Variants in DNAH14 observed in about 807,000 individuals in gnomAD.
The protein encoded by DNAH14 is dynein axonemal heavy chain 14, also known as axonemal beta dynein heavy chain 14.
Under a neutral mutation model 520.9 loss-of-function variants are expected in DNAH14, and 478 were observed. That is an observed-to-expected ratio of 0.92 (90% confidence interval 0.85 to 0.99). The LOEUF (loss-of-function observed/expected upper bound fraction) is 0.99, where lower values mean the gene tolerates loss of function less well. Ranked by LOEUF, DNAH14 falls within the 50% of genes least tolerant of loss-of-function variation. The pLI is 0.00. For synonymous variants in DNAH14, 1,581 were observed against 1,757.2 expected, an observed-to-expected ratio of 0.90 and a Z score of 2.51; for missense variants, 4,831 against 5,234.5, an observed-to-expected ratio of 0.92 and a Z score of 2.38.
At chr1:225,168,327 G>C (rs536557968) in intron 36 of DNAH14, among the ~76,000 whole-genome samples, 3 of 152,154 alleles carry the variant, frequency 2.0e-5, no homozygotes, top group Non-Finnish European at 2.9e-5. Context: ...GCAGTGCAGC[G>C]AGCGTGAGCC....
intron 8 of DNAH14, among the ~76,000 whole-genome samples, chr1:224,984,797 A>T (rs1374392991): frequency 6.6e-6 from 1 of 152,214 alleles, no homozygotes; most frequent in Non-Finnish European, 1.5e-5. Context: ...CCCATAAAAA[A>T]GTGGGCTAAG....
At chr1:225,308,191 T>A in intron 59 of DNAH14, 94 bp from the exon 60 acceptor site, 1 of 1,313,068 alleles carries the variant, frequency 7.6e-7, no homozygotes, top group Non-Finnish European at 1.0e-6. Context: ...TTAGTAAACT[T>A]TACCATAGTG....
At chr1:224,944,988 G>A (rs549165033) in intron 1 of DNAH14, among the ~76,000 whole-genome samples, 21 of 152,142 alleles carry the variant, frequency 1.4e-4, no homozygotes, top group South Asian at 4.2e-4. Flanking sequence ...TGCTCTTCTC[G>A]AGGAATATCT....
rs2080024054 is a variant in DNAH14 at position 225,147,111 on chromosome 1, GAA to G, written c.4805_4806del (p.Lys1602IlefsTer15). The G allele has an allele frequency of 5.3e-6, 8 of 1,505,352 alleles. No individual in the cohort carries two copies. The highest frequency in any genetic ancestry group is 7.1e-6 in the Non-Finnish European group (8 of 1,130,620). The allele number at this position is 1,505,352 out of a possible 1,614,324, so 93.2% of individuals were successfully genotyped here. On this transcript the variant is annotated frameshift_variant, in exon 31 of 86. Coordinates refer to ENST00000682510, the MANE Select transcript of DNAH14 (RefSeq NM_001367479.1). LOFTEE classifies it high-confidence loss of function. ...TCTTTTTTTTTTTAAAAGATAGTGA[GAA>G]AATTTTTCTTTGGACTAGTTCAGTC...
intron 1 of DNAH14, among the ~76,000 whole-genome samples, chr1:224,946,915 C>CTTTTTTTT (rs746576812): frequency 9.2e-6 from 1 of 108,258 alleles, no homozygotes; most frequent in Non-Finnish European, 1.9e-5. Flanking sequence ...GTTTCATCTA[C>CTTTTTTTT]TTTTTTTTTT....
At chr1:225,038,436 A>C (rs1485905447) in intron 11 of DNAH14, among the ~76,000 whole-genome samples, 1 of 151,620 alleles carries the variant, frequency 6.6e-6, no homozygotes, top group Non-Finnish European at 1.5e-5. Flanking sequence ...TGTTTTTTTT[A>C]ATAGCCATCC....
chr1:224,999,653 T>C (rs942109517), intron 8 of DNAH14, among the ~76,000 whole-genome samples: 14 of 151,852 alleles, frequency 9.2e-5, no homozygotes, highest in Non-Finnish European at 1.8e-4. Context: ...TTTGTTTCTA[T>C]GTTTTATTTT....
rs541781057 is a variant in DNAH14 at position 225,168,413 on chromosome 1, G to T, written c.5535+385G>T. On this transcript the variant is annotated intron_variant, in intron 36 of 85. Transcript: ENST00000682510. ...TTCCCTTTCCTAGCCAAGGAAAGGGGTGACAGACGGCACCTGGAAAATCAG... is the reference window on the plus strand; with the variant it reads ...TTCCCTTTCCTAGCCAAGGAAAGGGTTGACAGACGGCACCTGGAAAATCAG... Among the ~76,000 whole-genome samples the T allele has an allele frequency of 7.9e-4, 120 of 152,348 alleles. 1 individual carries two copies. Among genetic ancestry groups the T allele is most frequent in the African/African-American group, 2.7e-3 (113 of 41,582 alleles).
At chr1:225,331,639 G>C in intron 65 of DNAH14, 62 bp downstream of exon 65, 1 of 1,544,770 alleles carries the variant, frequency 6.5e-7, no homozygotes, top group Non-Finnish European at 8.7e-7. Context: ...CAACCCCCAA[G>C]ATGTTATTTT....
At chr1:225,060,346 C>T (rs1366574472) in intron 17 of DNAH14, among the ~76,000 whole-genome samples, 1 of 152,160 alleles carries the variant, frequency 6.6e-6, no homozygotes, top group Non-Finnish European at 1.5e-5. Context: ...AGTTCTCATG[C>T]CTTGGTTTTC....
At chr1:225,073,665 G>T (rs1016478506) in intron 17 of DNAH14, among the ~76,000 whole-genome samples, 29 of 123,144 alleles carry the variant, frequency 2.4e-4, no homozygotes, top group African/African-American at 4.6e-4. Context: ...TCAGTTTTTT[G>T]TTGTTGTTGT....
At chr1:225,298,441 G>A (rs1394758486) in intron 55 of DNAH14, among the ~76,000 whole-genome samples, 1 of 152,178 alleles carries the variant, frequency 6.6e-6, no homozygotes, top group African/African-American at 2.4e-5. Flanking sequence ...ACCCTAAATG[G>A]GACTGCCAGA....
At chr1:225,337,178 A>T (rs1310272763) in intron 66 of DNAH14, 88 bp from the exon 67 acceptor site, 1 of 1,074,696 alleles carries the variant, frequency 9.3e-7, no homozygotes, top group Non-Finnish European at 1.3e-6. Flanking sequence ...AAAGGCAGTG[A>T]TTCTGTAGGA....
intron 2 of DNAH14, 132 bp from the exon 3 acceptor site, chr1:224,954,827 C>A (rs1380781311): frequency 1.6e-6 from 1 of 633,272 alleles, no homozygotes; most frequent in Non-Finnish European, 2.7e-6. Flanking sequence ...AGCATGTTAA[C>A]CATAGCATTT....
intron 9 of DNAH14, among the ~76,000 whole-genome samples, chr1:225,006,214 T>G (rs1055029945): frequency 6.6e-6 from 1 of 152,192 alleles, no homozygotes; most frequent in African/African-American, 2.4e-5. Context: ...GTCATCTTCG[T>G]AAGCTGAGGA....
intron 74 of DNAH14, among the ~76,000 whole-genome samples, chr1:225,359,420 C>T (rs904389638): frequency 2.6e-5 from 4 of 151,336 alleles, no homozygotes; most frequent in African/African-American, 9.8e-5. Flanking sequence ...TGCTCTCCAG[C>T]CCTTGTATTC....
intron 44 of DNAH14, among the ~76,000 whole-genome samples, chr1:225,253,862 G>T (rs748832944): frequency 2.6e-5 from 4 of 152,038 alleles, no homozygotes; most frequent in Non-Finnish European, 5.9e-5. Flanking sequence ...ATTCACTGCC[G>T]CTTGTCACTC....
At chr1:225,343,786 C>G (rs539172092) in intron 69 of DNAH14, among the ~76,000 whole-genome samples, 13,150 of 124,768 alleles carry the variant, frequency 0.11, 627 homozygotes, top group Middle Eastern at 0.15. Flanking sequence ...GCTTCTGTAT[C>G]TGTTTTTTTT....
intron 8 of DNAH14, among the ~76,000 whole-genome samples, chr1:224,996,762 A>G (rs1377039003): frequency 2.0e-5 from 3 of 152,106 alleles, no homozygotes; most frequent in Non-Finnish European, 4.4e-5. Flanking sequence ...CTGCAGTTGG[A>G]TGGGCACTGC....
Sources: gnomAD v4.1 joint callset for allele counts (sites outside exome capture counted in the v4.1 genomes callset) on GRCh38, gnomAD v4.1.1 for gene constraint, MANE v1.5 for transcripts, NCBI Gene and HGNC (gene_info 2026-07-23, HGNC 2026-07-21) for gene names.